ATP4A: variants seen among roughly 807,000 people sequenced by gnomAD.
ATP4A encodes ATPase H+/K+ transporting subunit alpha.
A neutral mutation model predicts 112.1 loss-of-function variants in ATP4A; 73 were observed. That is an observed-to-expected ratio of 0.65 (90% confidence interval 0.54 to 0.79). The LOEUF (loss-of-function observed/expected upper bound fraction) is 0.79. Ranked by LOEUF, ATP4A falls within the 30% of genes least tolerant of loss-of-function variation. The pLI is 0.00. For synonymous variants in ATP4A, 588 were observed against 588.9 expected (o/e 1.00, Z 0.02); for missense variants, 1,081 against 1,425.9 (o/e 0.76, Z 3.90).
rs760133213 is a variant in ATP4A, at chr19:35,559,074, GAGTCC to G, written c.1169_1173del (p.Gly390AlafsTer14). ...GACACAGTCATGCGGTTCTGAGTGA[GAGTCC>G]CTGTCTTGTCCGAGCAGATCACCGA... On this transcript the variant is annotated frameshift_variant, in exon 8 of 22. Transcript: ENST00000262623. LOFTEE classifies it high-confidence loss of function. This position sits in a 1 kb window ranked among gnomAD's most constrained non-coding sequence, Gnocchi z 4.1. The G allele has an allele frequency of 4.3e-6, 7 of 1,614,200 alleles. No homozygotes were observed. In the South Asian group the frequency reaches 6.6e-5, roughly 15 times the overall value.
rs534088203 is a variant in ATP4A, at chr19:35,555,393, A to C, written c.2157+47T>G. The C allele has an allele frequency of 3.1e-5, 50 of 1,591,770 alleles. No individual in the cohort carries two copies. The Admixed American group carries it at 8.1e-4, about 26-fold the overall frequency. On this transcript the variant is annotated intron_variant, in intron 14 of 21. Transcript: ENST00000262623. The surrounding 1 kb of genome is among the most constrained non-coding windows in gnomAD (Gnocchi z 6.6). ...GTCAGTGAGAGGCCGGTCCAAGACC[A>C]GCCCCGCCTGTCTGCCCGCCTGCCC...
Position 35,559,709 on chromosome 19 carries a change from T to TA in ATP4A, c.1056+95dup. 6.6e-7 allele frequency: 1 copy of TA among 1,506,586 alleles called. No homozygotes were observed. Among genetic ancestry groups the TA allele is most frequent in the African/African-American group, 1.4e-5 (1 of 72,300 alleles). The allele number at this position is 1,506,586 out of a possible 1,614,324, so 93.3% of individuals were successfully genotyped here. A position where few individuals can be genotyped will look rare whatever the true frequency, so the allele number is the denominator to read the frequency against. On this transcript the variant is annotated intron_variant, in intron 7 of 21. Transcript: ENST00000262623. This position sits in a 1 kb window ranked among gnomAD's most constrained non-coding sequence, Gnocchi z 4.1. Reference sequence around the variant, plus strand: ...AATGGATGGGAGCTAAGTGGACAGATAGACAGGCAGGGAGGTGATGGGGGA... The same window carrying TA: ...AATGGATGGGAGCTAAGTGGACAGATAAGACAGGCAGGGAGGTGATGGGGGA...
At position 35,558,780 on chromosome 19, in the gene ATP4A, C is replaced by T. The variant is rs1252095035; in HGVS notation, c.1256-94G>A. The T allele has an allele frequency of 5.1e-6, 7 of 1,378,368 alleles. No individual in the cohort carries two copies. In the East Asian group the frequency reaches 1.5e-4, roughly 29 times the overall value. 85.4% of individuals were successfully genotyped at this position (1,378,368 alleles called of 1,614,324 possible). On this transcript the variant is annotated intron_variant, in intron 8 of 21. Coordinates refer to ENST00000262623, the MANE Select transcript of ATP4A (RefSeq NM_000704.3). This position sits in a 1 kb window ranked among gnomAD's most constrained non-coding sequence, Gnocchi z 5.1. ...CCTAGGCTCATATCGCGGGCCCCCT[C>T]CCCAGACCTGGGTGGAATTGGGTTC...
chr19:35,551,032 T>C lies in ATP4A; in HGVS notation c.2965A>G (p.Ile989Val), dbSNP rs1209657028. ...FLCYCPGMPN[I>V]FNFMPIRFQW... ...CACCGAATGGGCATGAAGTTGAAGA[T>C]GTTGGGCATGCCGGGGCAGTAGCAC... is the stretch of plus-strand genomic sequence containing the variant. The change falls in exon 20 of 22, where the codon ATC becomes GTC. Residue 989 changes from isoleucine (I) to valine (V), a missense_variant. Physicochemically the swap from Ile to Val is conservative, Grantham distance 29. This residue lies in a region of ATP4A where 219 missense variants were observed against 320.9 expected (regional missense o/e 0.68). Coordinates refer to ENST00000262623, the MANE Select transcript of ATP4A (RefSeq NM_000704.3). This position sits in a 1 kb window ranked among gnomAD's most constrained non-coding sequence, Gnocchi z 5.2. 5 of 1,613,968 alleles carry C rather than the reference T, an allele frequency of 3.1e-6. No homozygotes were observed. Among genetic ancestry groups the C allele is most frequent in the Admixed American group, 3.3e-5 (2 of 59,994 alleles).
chr19:35,559,203 G>T lies in ATP4A; in HGVS notation c.1057-12C>A. 6.2e-7 allele frequency: 1 copy of T among 1,613,396 alleles called. No individual in the cohort carries two copies. The highest frequency in any genetic ancestry group is 8.5e-7 in the Non-Finnish European group (1 of 1,179,912). On this transcript the variant is annotated splice_polypyrimidine_tract_variant and intron_variant, in intron 7 of 21. Coordinates refer to ENST00000262623, the MANE Select transcript of ATP4A (RefSeq NM_000704.3). The surrounding 1 kb of genome is among the most constrained non-coding windows in gnomAD (Gnocchi z 4.1). Reference sequence around the variant, plus strand: ...AGGGACAGGCAGACCTGGGGAAGGGGTGAGCACCGCAGGCTGGGGACCCAC... The same window carrying T: ...AGGGACAGGCAGACCTGGGGAAGGGTTGAGCACCGCAGGCTGGGGACCCAC...
At position 35,559,817 on chromosome 19, in the gene ATP4A, C is replaced by T. The variant is rs771295954; in HGVS notation, c.1044G>A (p.Leu348=). The part of the protein sequence containing the change: ...IVVAYVPEGL[L]ATVTVCLSLT... ...TGCCCCCACTCACTGTGACAGTGGCCAGCAGCCCCTCAGGCACATAGGCCA... is the reference window on the plus strand; with the variant it reads ...TGCCCCCACTCACTGTGACAGTGGCTAGCAGCCCCTCAGGCACATAGGCCA... The change falls in exon 7 of 22, where the codon CTG becomes CTA. Residue 348 remains leucine (L), a synonymous_variant. Coordinates refer to ENST00000262623, the MANE Select transcript of ATP4A (RefSeq NM_000704.3). The surrounding 1 kb of genome is among the most constrained non-coding windows in gnomAD (Gnocchi z 4.1). 3 of 1,613,838 alleles carry T rather than the reference C, an allele frequency of 1.9e-6. No homozygotes were observed. In the South Asian group the frequency reaches 3.3e-5, roughly 18 times the overall value.
chr19:35,551,299 T>G lies in ATP4A; in HGVS notation c.2885+148A>C. On this transcript the variant is annotated intron_variant, in intron 19 of 21. Coordinates refer to ENST00000262623, the MANE Select transcript of ATP4A (RefSeq NM_000704.3). The surrounding 1 kb of genome is among the most constrained non-coding windows in gnomAD (Gnocchi z 5.2). ...ATGTGGAGGGGGCCGTGGGGGGAGTTATTGGCCAGTTAGAAAGGTTTTTTT... is the reference window on the plus strand; with the variant it reads ...ATGTGGAGGGGGCCGTGGGGGGAGTGATTGGCCAGTTAGAAAGGTTTTTTT... 2 of 1,339,080 alleles carry G rather than the reference T, an allele frequency of 1.5e-6. No individual in the cohort carries two copies. The highest frequency in any genetic ancestry group is 2.0e-5 in the Admixed American group (1 of 49,314). 82.9% of individuals were successfully genotyped at this position (1,339,080 alleles called of 1,614,324 possible). A position where few individuals can be genotyped will look rare whatever the true frequency, so the allele number is the denominator to read the frequency against.
At position 35,559,942 on chromosome 19, in the gene ATP4A, C is replaced by T. The variant is rs567483940; in HGVS notation, c.919G>A (p.Ala307Thr). ...GCACCGAAGAGAATGGCCAGGCCCG[C>T]GATGATGTCCACAAAATGCTCGATC... ...IEIEHFVDII[A>T]GLAILFGATF... Residue 307 changes from alanine (A) to threonine (T), a missense_variant, in exon 7 of 22, where the codon GCG (alanine) becomes ACG (threonine). Transcript: ENST00000262623. The surrounding 1 kb of genome is among the most constrained non-coding windows in gnomAD (Gnocchi z 4.1). 2.6e-5 allele frequency: 42 copies of T among 1,614,232 alleles called. No individual in the cohort carries two copies. The highest frequency in any genetic ancestry group is 4.5e-5 in the East Asian group (2 of 44,882).
Position 35,562,581 on chromosome 19 carries a change from G to T in ATP4A, c.274C>A (p.Arg92=). 2 of 1,611,018 alleles carry T rather than the reference G, an allele frequency of 1.2e-6. No individual in the cohort carries two copies. Among genetic ancestry groups the T allele is most frequent in the Non-Finnish European group, 1.7e-6 (2 of 1,178,948 alleles). ...TACTCTGGGGTGCCCCGTGGTGGCC[G>T]CAGTGCGTTGGGCCCATCCCGCAGC... The part of the protein sequence containing the change: ...LLLRDGPNAL[R]PPRGTPEYVK... Residue 92 remains arginine, a synonymous_variant, in exon 4 of 22, where the codon CGG becomes AGG. Coordinates refer to ENST00000262623, the MANE Select transcript of ATP4A (RefSeq NM_000704.3).
chr19:35,559,324 T>A lies in ATP4A; in HGVS notation c.1057-133A>T. ...GCAACGTGCTTCTGCAAACACCAGGTGTTTTCTTGGCCCCAGCTTTTGTTC... is the reference window on the plus strand; with the variant it reads ...GCAACGTGCTTCTGCAAACACCAGGAGTTTTCTTGGCCCCAGCTTTTGTTC... On this transcript the variant is annotated intron_variant, in intron 7 of 21. Coordinates refer to ENST00000262623, the MANE Select transcript of ATP4A (RefSeq NM_000704.3). This position sits in a 1 kb window ranked among gnomAD's most constrained non-coding sequence, Gnocchi z 4.1. 1.1e-6 allele frequency: 1 copy of A among 922,338 alleles called. No homozygotes were observed. Among genetic ancestry groups the A allele is most frequent in the Non-Finnish European group, 1.7e-6 (1 of 604,350 alleles). 57.1% of individuals were successfully genotyped at this position (922,338 alleles called of 1,614,324 possible).
At position 35,551,672 on chromosome 19, in the gene ATP4A, C is replaced by T. The variant is rs533490584; in HGVS notation, c.2752-92G>A. 2.7e-6 allele frequency: 4 copies of T among 1,494,066 alleles called. No individual in the cohort carries two copies. The highest frequency in any genetic ancestry group is 2.0e-5 in the Admixed American group (1 of 50,750). The allele number at this position is 1,494,066 out of a possible 1,614,324, so 92.6% of individuals were successfully genotyped here. On this transcript the variant is annotated intron_variant, in intron 18 of 21. Coordinates refer to ENST00000262623, the MANE Select transcript of ATP4A (RefSeq NM_000704.3). The surrounding 1 kb of genome is among the most constrained non-coding windows in gnomAD (Gnocchi z 5.2). ...CCCACCGGGCATAGGGTCCCAGGGC[C>T]GTGAACCCCTAAATGCTCTCTCTGC... is the stretch of plus-strand genomic sequence containing the variant.
Position 35,550,471 on chromosome 19 carries a change from G to T in ATP4A, c.*144C>A. On this transcript the variant is annotated 3_prime_UTR_variant, in exon 22 of 22. Coordinates refer to ENST00000262623, the MANE Select transcript of ATP4A (RefSeq NM_000704.3). This position sits in a 1 kb window ranked among gnomAD's most constrained non-coding sequence, Gnocchi z 4.1. ...GAGTGGGCAGGTCCCTCCAAGTTTG[G>T]GGTGCCGTGGGCTACAGAAGCAGAT... 2 of 1,090,710 alleles carry T rather than the reference G, an allele frequency of 1.8e-6. No individual in the cohort carries two copies. Among genetic ancestry groups the T allele is most frequent in the Non-Finnish European group, 2.6e-6 (2 of 755,730 alleles). 67.6% of individuals were successfully genotyped at this position (1,090,710 alleles called of 1,614,324 possible).
intron 16 of ATP4A, among the ~76,000 whole-genome samples, chr19:35,554,516 A>T (rs2071619133): frequency 6.6e-6 from 1 of 152,184 alleles, no homozygotes; most frequent in African/African-American, 2.4e-5. Context: ...CTCTGGCTGC[A>T]TTCGTGACTG....
At position 35,555,663 on chromosome 19, in the gene ATP4A, TG is replaced by T. The variant is rs769485930; in HGVS notation, c.2006+12del. ...ATGTGGGGAGAACCCCGGGGAGGTC[TG>T]GGGGGGCTTACTTGCGATTAACCTG... On this transcript the variant is annotated intron_variant, in intron 13 of 21. Coordinates refer to ENST00000262623, the MANE Select transcript of ATP4A (RefSeq NM_000704.3). The surrounding 1 kb of genome is among the most constrained non-coding windows in gnomAD (Gnocchi z 6.6). 8.2e-6 allele frequency: 13 copies of T among 1,594,962 alleles called. No individual in the cohort carries two copies. The highest frequency in any genetic ancestry group is 1.1e-5 in the South Asian group (1 of 90,252).
At position 35,555,595 on chromosome 19, in the gene ATP4A, G is replaced by A. The variant is rs1173655271; in HGVS notation, c.2007-5C>T. 1 of 1,575,766 alleles carries A rather than the reference G, an allele frequency of 6.3e-7. No homozygotes were observed. Among genetic ancestry groups the A allele is most frequent in the Admixed American group, 1.7e-5 (1 of 58,310 alleles). ...ATCACACAGGCACGGGCATCCCTGG[G>A]GAGGAGATGGGAGGACCTCGCTGGG... On this transcript the variant is annotated splice_polypyrimidine_tract_variant and splice_region_variant and intron_variant, in intron 13 of 21. Transcript: ENST00000262623. The surrounding 1 kb of genome is among the most constrained non-coding windows in gnomAD (Gnocchi z 6.6).
chr19:35,551,486 T>C lies in ATP4A; in HGVS notation c.2846A>G (p.Lys949Arg). The C allele has an allele frequency of 6.2e-7, 1 of 1,614,170 alleles. No homozygotes were observed. Among genetic ancestry groups the C allele is most frequent in the South Asian group, 1.1e-5 (1 of 91,082 alleles). Reference protein sequence around the residue: ...VCQIADVLIRKTRRLSAFQQG... With the variant: ...VCQIADVLIRRTRRLSAFQQG... ...CTGGAAGGCAGAGAGACGGCGCGTC[T>C]TGCGGATGAGGACATCGGCGATCTG... The change falls in exon 19 of 22, where the codon AAG (lysine) becomes AGG (arginine). Residue 949 changes from lysine (K) to arginine (R), a missense_variant. Transcript: ENST00000262623. The surrounding 1 kb of genome is among the most constrained non-coding windows in gnomAD (Gnocchi z 5.2).
chr19:35,554,698 G>A (rs1019769836), intron 16 of ATP4A, among the ~76,000 whole-genome samples: 1 of 150,504 alleles, frequency 6.6e-6, no homozygotes, highest in Non-Finnish European at 1.5e-5. Flanking sequence ...GGGTCGGCCC[G>A]GGCCTACCTG....
chr19:35,552,891 C>T, intron 18 of ATP4A, 146 bp downstream of exon 18: 1 of 623,826 alleles, frequency 1.6e-6, no homozygotes, highest in Non-Finnish European at 2.1e-6. Context: ...AAGGCCCTTG[C>T]CCCCCCGAAC....
Position 35,557,230 on chromosome 19 carries a change from T to C in ATP4A, c.1694-142A>G. Reference sequence around the variant, plus strand: ...TGTGCTGACCCCTTCACTCACATTATCTGAATCTACCCTCACAACCACCCT... The same window carrying C: ...TGTGCTGACCCCTTCACTCACATTACCTGAATCTACCCTCACAACCACCCT... On this transcript the variant is annotated intron_variant, in intron 11 of 21. Transcript: ENST00000262623. This position sits in a 1 kb window ranked among gnomAD's most constrained non-coding sequence, Gnocchi z 4.4. 2.1e-6 allele frequency: 2 copies of C among 950,038 alleles called. No homozygotes were observed. The highest frequency in any genetic ancestry group is 2.7e-5 in the Admixed American group (1 of 36,910). The allele number at this position is 950,038 out of a possible 1,614,324, so 58.9% of individuals were successfully genotyped here.
Sources: allele counts gnomAD v4.1 joint callset (sites outside exome capture counted in the v4.1 genomes callset), GRCh38; gene constraint gnomAD v4.1.1; regional missense constraint gnomAD v4.1.1; non-coding constraint Gnocchi (gnomAD v3.1); transcripts MANE v1.5; gene names NCBI Gene and HGNC (gene_info 2026-07-23, HGNC 2026-07-21).